GALNT13: variants seen among roughly 807,000 people sequenced by gnomAD.
GALNT13 encodes UDP-GalNAc:polypeptide N-acetylgalactosaminyltransferase 13.
In GALNT13, 28 loss-of-function variants were observed where a neutral mutation model predicts 64.2. The ratio of observed to expected loss-of-function variants is 0.44; its 90% CI spans 0.32 to 0.60. The LOEUF is 0.60. Among genes scored for constraint, GALNT13 ranks in the 20% least tolerant of loss-of-function variants. GALNT13 has a pLI of 0.05. For missense variants in GALNT13, 577 were observed against 669.8 expected (o/e 0.86, Z 1.53); for synonymous variants, 214 against 224.6 (o/e 0.95, Z 0.42).
chr2:153,302,902 G>A, the GALNT13 span, among the ~76,000 whole-genome samples: 1 of 152,076 alleles, frequency 6.6e-6, no homozygotes, highest in Non-Finnish European at 1.5e-5. Context: ...ATTGGTTTGT[G>A]TGTCTTTTTT....
chr2:154,388,868 A>C (rs887875887), intron 9 of GALNT13, among the ~76,000 whole-genome samples: 1 of 152,190 alleles, frequency 6.6e-6, no homozygotes, highest in African/African-American at 2.4e-5. Flanking sequence ...CTGTAATGTG[A>C]ATATATATCA....
chr2:154,085,329 C>CA (rs933373507), intron 3 of GALNT13, among the ~76,000 whole-genome samples: 12 of 151,870 alleles, frequency 7.9e-5, no homozygotes, highest in Admixed American at 7.3e-4. Flanking sequence ...TTAATAGAAG[C>CA]AGTAAGAGTA....
rs547920184 is a variant in GALNT13, at chr2:154,237,663, CAT to C, written c.312-4366_312-4365del. The stretch of plus-strand genomic sequence containing the variant: ...TAAACAAAAGAAATTATTGTATTCA[CAT>C]GTGTTAAGATGTGCAGTTTTTTCAT... On this transcript the variant is annotated intron_variant, in intron 4 of 12. Transcript: ENST00000392825. Among the ~76,000 whole-genome samples the C allele has an allele frequency of 7.3e-5, 11 of 151,118 alleles. 1 individual carries two copies. In the South Asian group the frequency reaches 1.5e-3, roughly 20 times the overall value.
At position 154,009,721 on chromosome 2, in the gene GALNT13, C is replaced by T. The variant is rs182916252; in HGVS notation, c.142+65082C>T. On this transcript the variant is annotated intron_variant, in intron 3 of 12. Transcript: ENST00000392825. ...ATCAGGCTGGTCTCGAACTCCTGACCTCAGGTGATCCACCCGCCTCGGCCT... is the reference window on the plus strand; with the variant it reads ...ATCAGGCTGGTCTCGAACTCCTGACTTCAGGTGATCCACCCGCCTCGGCCT... 9.2e-3 allele frequency among the ~76,000 whole-genome samples: 1,400 copies of T among 152,158 alleles called. 11 individuals are homozygous for T. Among genetic ancestry groups the T allele is most frequent in the Non-Finnish European group, 0.014 (982 of 68,008 alleles).
intron 3 of GALNT13, among the ~76,000 whole-genome samples, chr2:153,993,310 A>G (rs1695287671): frequency 6.8e-6 from 1 of 146,684 alleles, no homozygotes; most frequent in African/African-American, 2.4e-5. Context: ...AATTTATTGA[A>G]TAAAGTGGAA....
At chr2:154,228,837 T>C (rs1449064127) in intron 4 of GALNT13, among the ~76,000 whole-genome samples, 1 of 152,078 alleles carries the variant, frequency 6.6e-6, no homozygotes, top group East Asian at 1.9e-4. Context: ...TTGAGAGGCT[T>C]GAAGGTCCTT....
the GALNT13 span, among the ~76,000 whole-genome samples, chr2:153,518,503 A>G: frequency 7.9e-4 from 121 of 152,308 alleles, no homozygotes; most frequent in African/African-American, 2.6e-3. Flanking sequence ...CAAAGTCACA[A>G]GACATGGGCT....
the GALNT13 span, among the ~76,000 whole-genome samples, chr2:153,615,445 C>T: frequency 3.3e-3 from 496 of 152,064 alleles, 3 homozygotes; most frequent in East Asian, 0.028. Context: ...TTTGAGGAAC[C>T]TTCAAACTGC....
the GALNT13 span, among the ~76,000 whole-genome samples, chr2:153,138,991 C>T: frequency 6.6e-6 from 1 of 152,016 alleles, no homozygotes; most frequent in Non-Finnish European, 1.5e-5. Context: ...CTGCCTGTCC[C>T]CTTTCACTGA....
chr2:153,889,625 C>A (rs963149216), intron 1 of GALNT13, among the ~76,000 whole-genome samples: 6 of 152,006 alleles, frequency 3.9e-5, no homozygotes, highest in Admixed American at 6.6e-5. Flanking sequence ...TGGCCAGAGG[C>A]CTACATCTCA....
chr2:153,824,317 G>A, the GALNT13 span, among the ~76,000 whole-genome samples: 1 of 152,076 alleles, frequency 6.6e-6, no homozygotes, highest in African/African-American at 2.4e-5. Flanking sequence ...GCAGTTTGGA[G>A]ATTTCTCAAA....
rs201483247 is a variant in GALNT13 at position 154,449,426 on chromosome 2, CAAAAA to C, written c.1531-964_1531-960del. On this transcript the variant is annotated intron_variant, in intron 12 of 12. Transcript: ENST00000392825. ...CCATTTTCAATGTAGTATCATGAGC[CAAAAA>C]AAAAAAAAAAAAAAAAAAAATTTCT... is the stretch of plus-strand genomic sequence containing the variant. Among the ~76,000 whole-genome samples the C allele has an allele frequency of 6.9e-3, 733 of 105,860 alleles. 15 individuals carry two copies. Among genetic ancestry groups the C allele is most frequent in the East Asian group, 0.055 (241 of 4,418 alleles). The allele number at this position is 105,860 out of a possible 152,430, so 69.4% of individuals were successfully genotyped here.
chr2:154,329,209 G>A (rs1695037609), intron 9 of GALNT13, among the ~76,000 whole-genome samples: 1 of 152,062 alleles, frequency 6.6e-6, no homozygotes, highest in South Asian at 2.1e-4. Context: ...TGGTTCAAGA[G>A]ATTCTCCTGC....
At chr2:153,204,796 A>C in the GALNT13 span, among the ~76,000 whole-genome samples, 3 of 152,186 alleles carry the variant, frequency 2.0e-5, no homozygotes, top group East Asian at 1.9e-4. Context: ...TGAGTCAACT[A>C]TCTATACATG....
intron 10 of GALNT13, among the ~76,000 whole-genome samples, chr2:154,397,890 C>T (rs1415297021): frequency 6.6e-6 from 1 of 152,132 alleles, no homozygotes; most frequent in Non-Finnish European, 1.5e-5. Context: ...CACTTAGTCC[C>T]GTACCTCAAA....
the GALNT13 span, among the ~76,000 whole-genome samples, chr2:153,639,580 C>G: frequency 6.6e-6 from 1 of 152,064 alleles, no homozygotes; most frequent in Non-Finnish European, 1.5e-5. Context: ...TGTGACATCA[C>G]TGGCAAAAGA....
chr2:154,338,757 G>A (rs953602622), intron 9 of GALNT13, among the ~76,000 whole-genome samples: 2 of 152,024 alleles, frequency 1.3e-5, no homozygotes, highest in African/African-American at 2.4e-5. Context: ...TAGGTCTGGT[G>A]GATAATGGCC....
intron 3 of GALNT13, among the ~76,000 whole-genome samples, chr2:154,075,220 C>A (rs944996058): frequency 2.0e-5 from 3 of 151,734 alleles, no homozygotes; most frequent in Non-Finnish European, 2.9e-5. Context: ...ATGTGACATG[C>A]AATTTACCTA....
chr2:154,353,967 CAT>C (rs951569488), intron 9 of GALNT13, among the ~76,000 whole-genome samples: 4 of 152,266 alleles, frequency 2.6e-5, no homozygotes, highest in African/African-American at 9.6e-5. Context: ...CTATTTTTAA[CAT>C]ATTTAGGAAC....
Sources: allele counts gnomAD v4.1 joint callset (sites outside exome capture counted in the v4.1 genomes callset), GRCh38; gene constraint gnomAD v4.1.1; transcripts MANE v1.5; gene names NCBI Gene and HGNC (gene_info 2026-07-23, HGNC 2026-07-21).